The following SHROOM1 variants were observed in gnomAD, a reference collection of about 807,000 sequenced individuals.
SHROOM1 encodes the protein protein Shroom1.
In SHROOM1, 53 loss-of-function variants were observed where a neutral mutation model predicts 64.2. That is an observed-to-expected ratio of 0.83 (90% CI 0.66 to 1.04). SHROOM1 has a LOEUF of 1.04. Ranked by LOEUF, SHROOM1 falls within the 50% of genes least tolerant of loss-of-function variation. The pLI is 0.00. For synonymous variants in SHROOM1, 490 were observed against 518.9 expected, an observed-to-expected ratio of 0.94 and a Z score of 0.76; for missense variants, 1,179 against 1,163.2, an observed-to-expected ratio of 1.01 and a Z score of -0.20.
At chr5:132,828,621 C>T (rs12514041) in intron 1 of SHROOM1, among the ~76,000 whole-genome samples, 17,566 of 152,248 alleles carry the variant, frequency 0.12, 1,176 homozygotes, top group South Asian at 0.2. Flanking sequence ...GATCACCAAA[C>T]ACAAGATGTT....
Position 132,825,662 on chromosome 5 carries a change from C to G in SHROOM1, c.479G>C (p.Arg160Pro). ...RRVLRETSFQ[R>P]KELRMSLPAR... ...GGGCAGGCTCATGCGGAGCTCCTTG[C>G]GCTGGAACGACGTCTCCCGGAGCAC... The change falls in exon 4 of 10, where the codon CGC becomes CCC. Residue 160 changes from arginine to proline, a missense_variant. By Grantham distance (103) the Arg-to-Pro change is moderately radical. Transcript: ENST00000378679. This position sits in a 1 kb window ranked among gnomAD's most constrained non-coding sequence, Gnocchi z 5.1. The G allele has an allele frequency of 7.4e-7, 1 of 1,355,804 alleles. No homozygotes were observed. The highest frequency in any genetic ancestry group is 9.4e-7 in the Non-Finnish European group (1 of 1,060,954). 84.0% of individuals were successfully genotyped at this position (1,355,804 alleles called of 1,614,324 possible).
chr5:132,830,201 G>C lies in SHROOM1; in HGVS notation c.-501+393C>G. The stretch of plus-strand genomic sequence containing the variant: ...CCGTCGGGGAAGGATCGCGCGCAGG[G>C]GACAGCGCGAGCCCGGGAGGGAAGG... On this transcript the variant is annotated intron_variant, in intron 1 of 9. Coordinates refer to ENST00000378679, the MANE Select transcript of SHROOM1 (RefSeq NM_001172700.2). The surrounding 1 kb of genome is among the most constrained non-coding windows in gnomAD (Gnocchi z 5.9). The C allele has an allele frequency of 5.1e-6, 5 of 985,276 alleles. No homozygotes were observed. The highest frequency in any genetic ancestry group is 6.0e-6 in the Non-Finnish European group (5 of 829,886). The allele number at this position is 985,276 out of a possible 1,614,324, so 61.0% of individuals were successfully genotyped here.
rs1561448499 is a variant in SHROOM1 at position 132,824,012 on chromosome 5, GCCAGCTCCTGAA to G, written c.1637_1648del (p.Val546_Leu549del). 6.2e-7 allele frequency: 1 copy of G among 1,606,610 alleles called. No homozygotes were observed. Among genetic ancestry groups the G allele is most frequent in the Non-Finnish European group, 8.5e-7 (1 of 1,176,076 alleles). ...GTCACATAGAGAGGGATCTAATCTG[GCCAGCTCCTGAA>G]CCAGCTCCTCGAGGCACTGACTAGG... is the stretch of plus-strand genomic sequence containing the variant. On this transcript the variant is annotated inframe_deletion, in exon 7 of 10. Coordinates refer to ENST00000378679, the MANE Select transcript of SHROOM1 (RefSeq NM_001172700.2).
At chr5:132,829,242 G>A (rs541062199) in intron 1 of SHROOM1, among the ~76,000 whole-genome samples, 3 of 152,358 alleles carry the variant, frequency 2.0e-5, no homozygotes, top group South Asian at 2.1e-4. Context: ...CAGAGAGGAA[G>A]GAGACGAAGA....
Position 132,825,325 on chromosome 5 carries a change from C to G in SHROOM1, c.816G>C (p.Glu272Asp). 2 of 1,607,964 alleles carry G rather than the reference C, an allele frequency of 1.2e-6. No individual in the cohort carries two copies. The highest frequency in any genetic ancestry group is 1.7e-6 in the Non-Finnish European group (2 of 1,179,622). Residue 272 changes from glutamate (E) to aspartate (D), a missense_variant, in exon 4 of 10, where the codon GAG (glutamate) becomes GAC (aspartate). Physicochemically the swap from Glu to Asp is conservative, Grantham distance 45. Transcript: ENST00000378679. This position sits in a 1 kb window ranked among gnomAD's most constrained non-coding sequence, Gnocchi z 5.1. The part of the protein sequence containing the change: ...HPALAKFEDH[E>D]VGWLPETQPQ... ...GTTGCGTCTCGGGCAGCCATCCGACCTCGTGATCTTCAAACTTAGCCAGCG... is the reference window on the plus strand; with the variant it reads ...GTTGCGTCTCGGGCAGCCATCCGACGTCGTGATCTTCAAACTTAGCCAGCG...
At chr5:132,824,887 G>A in intron 5 of SHROOM1, 66 bp from the exon 6 acceptor site, 1 of 1,602,220 alleles carries the variant, frequency 6.2e-7, no homozygotes, top group Non-Finnish European at 8.5e-7. Context: ...GCACCAGGGA[G>A]ACAGTAGGGT....
At chr5:132,828,752 ATG>A (rs146616879) in intron 1 of SHROOM1, among the ~76,000 whole-genome samples, 2,455 of 152,360 alleles carry the variant, frequency 0.016, 83 homozygotes, top group African/African-American at 0.056. Flanking sequence ...GTGTCTACAC[ATG>A]TGTTTCCTTA....
At position 132,825,887 on chromosome 5, in the gene SHROOM1, G is replaced by A; in HGVS notation, c.254C>T (p.Pro85Leu). The A allele has an allele frequency of 7.6e-7, 1 of 1,310,960 alleles. No individual in the cohort carries two copies. Among genetic ancestry groups the A allele is most frequent in the Non-Finnish European group, 9.8e-7 (1 of 1,024,048 alleles). The allele number at this position is 1,310,960 out of a possible 1,614,324, so 81.2% of individuals were successfully genotyped here. A position where few individuals can be genotyped will look rare whatever the true frequency, so the allele number is the denominator to read the frequency against. Residue 85 changes from proline (P) to leucine (L), a missense_variant, in exon 4 of 10, where the codon CCC (proline) becomes CTC (leucine). Pro to Leu is a moderately conservative substitution (Grantham distance 98). Transcript: ENST00000378679. The surrounding 1 kb of genome is among the most constrained non-coding windows in gnomAD (Gnocchi z 5.1). ...PDAALCTSPR[P>L]RPAVAARSGP... ...ACTGCGGGCTGCAACCGCGGGCCGGGGCCGCGGGGATGTGCAAAGGGCAGC... is the reference window on the plus strand; with the variant it reads ...ACTGCGGGCTGCAACCGCGGGCCGGAGCCGCGGGGATGTGCAAAGGGCAGC...
chr5:132,825,211 T>A lies in SHROOM1; in HGVS notation c.930A>T (p.Glu310Asp), dbSNP rs748383510. The A allele has an allele frequency of 3.1e-6, 5 of 1,613,960 alleles. No homozygotes were observed. Among genetic ancestry groups the A allele is most frequent in the Non-Finnish European group, 4.2e-6 (5 of 1,180,020 alleles). ...CTGATCCTCCCCAGGAACCCAAGAC[T>A]TCGCCTGAAGCGCTCCGACTCCGAC... ...PASRSRSASG[E>D]VLGSWGGSGG... The change falls in exon 4 of 10, where the codon GAA becomes GAT. Residue 310 changes from glutamate (E) to aspartate (D), a missense_variant. Coordinates refer to ENST00000378679, the MANE Select transcript of SHROOM1 (RefSeq NM_001172700.2). This position sits in a 1 kb window ranked among gnomAD's most constrained non-coding sequence, Gnocchi z 5.1.
chr5:132,829,925 G>C lies in SHROOM1; in HGVS notation c.-501+669C>G, dbSNP rs147530259. ...CGGGCTCATCGGTCGCTGCACCCCAGATGCAGAGTCTCTGGAGACCCGAGC... is the reference window on the plus strand; with the variant it reads ...CGGGCTCATCGGTCGCTGCACCCCACATGCAGAGTCTCTGGAGACCCGAGC... On this transcript the variant is annotated intron_variant, in intron 1 of 9. Coordinates refer to ENST00000378679, the MANE Select transcript of SHROOM1 (RefSeq NM_001172700.2). The C allele has an allele frequency of 9.1e-6, 9 of 985,472 alleles. No homozygotes were observed. In the East Asian group the frequency reaches 7.9e-4, roughly 87 times the overall value. The allele number at this position is 985,472 out of a possible 1,614,324, so 61.0% of individuals were successfully genotyped here. A position where few individuals can be genotyped will look rare whatever the true frequency, so the allele number is the denominator to read the frequency against.
In SHROOM1 at chr5:132,825,018, C is replaced by G. The variant is rs1353340962; in HGVS notation, c.1034G>C (p.Arg345Thr). The G allele has an allele frequency of 6.2e-7, 1 of 1,613,952 alleles. No homozygotes were observed. Among genetic ancestry groups the G allele is most frequent in the Non-Finnish European group, 8.5e-7 (1 of 1,180,024 alleles). Residue 345 changes from arginine to threonine, a missense_variant and splice_region_variant, in exon 5 of 10, where the codon AGG (arginine) becomes ACG (threonine). Arg to Thr is a moderately conservative substitution (Grantham distance 71). Coordinates refer to ENST00000378679, the MANE Select transcript of SHROOM1 (RefSeq NM_001172700.2). This position sits in a 1 kb window ranked among gnomAD's most constrained non-coding sequence, Gnocchi z 5.1. ...GTCCAGAGTGGTCCGTGTCTCTCAC[C>G]TGGAAAGTTTGGTCTGAAACAATGG... ...PRPLFQTKLS[R>T]FLPQKEAAVM...
Position 132,823,848 on chromosome 5 carries a change from AC to A in SHROOM1, c.1811+1del. Reference sequence around the variant, plus strand: ...CCAGATTCCCTAGTACACCTCACTCACCCTGGCTCAAAAGTACTGGCAGCCT... The same window carrying A: ...CCAGATTCCCTAGTACACCTCACTCACCTGGCTCAAAAGTACTGGCAGCCT... On this transcript the variant is annotated splice_donor_variant, in intron 7 of 9. Transcript: ENST00000378679. LOFTEE classifies it high-confidence loss of function. The surrounding 1 kb of genome is among the most constrained non-coding windows in gnomAD (Gnocchi z 4.6). 2.0e-6 allele frequency: 3 copies of A among 1,526,518 alleles called. No individual in the cohort carries two copies. Among genetic ancestry groups the A allele is most frequent in the Non-Finnish European group, 2.6e-6 (3 of 1,138,428 alleles). The allele number at this position is 1,526,518 out of a possible 1,614,324, so 94.6% of individuals were successfully genotyped here.
At chr5:132,829,756 G>A (rs1758795778) in intron 1 of SHROOM1, 2 of 985,456 alleles carry the variant, frequency 2.0e-6, no homozygotes, top group Non-Finnish European at 2.4e-6. Flanking sequence ...TCAAAACCCA[G>A]TACCCGCAGC....
Position 132,824,626 on chromosome 5 carries a change from C to G in SHROOM1, c.1230G>C (p.Gly410=). Residue 410 remains glycine, a synonymous_variant, in exon 6 of 10, where the codon GGG becomes GGC. Transcript: ENST00000378679. ...RSPPDPHASQ[G]PPASVHASDQ... ...CAAGAGGGAATTACCTGGCTGGGGG[C>G]CCCTGGGAGGCATGGGGGTCTGGTG... The G allele has an allele frequency of 6.2e-7, 1 of 1,607,858 alleles. No homozygotes were observed. The highest frequency in any genetic ancestry group is 1.1e-5 in the South Asian group (1 of 90,952).
At position 132,823,382 on chromosome 5, in the gene SHROOM1, C is replaced by G. The variant is rs1387296064; in HGVS notation, c.2094G>C (p.Glu698Asp). The change falls in exon 9 of 10, where the codon GAG becomes GAC. Residue 698 changes from glutamate (E) to aspartate (D), a missense_variant. Coordinates refer to ENST00000378679, the MANE Select transcript of SHROOM1 (RefSeq NM_001172700.2). This position sits in a 1 kb window ranked among gnomAD's most constrained non-coding sequence, Gnocchi z 4.6. Reference protein sequence around the residue: ...AAVRQACAPQELERFSRFMAD... With the variant: ...AAVRQACAPQDLERFSRFMAD... ...CCATGAACCGGCTGAACCGCTCCAG[C>G]TCCTGAGGGGCACAGGCCTGGCGCA... The G allele has an allele frequency of 6.2e-7, 1 of 1,609,798 alleles. No individual in the cohort carries two copies. The highest frequency in any genetic ancestry group is 8.5e-7 in the Non-Finnish European group (1 of 1,179,752).
At position 132,825,643 on chromosome 5, in the gene SHROOM1, G is replaced by C; in HGVS notation, c.498C>G (p.Ser166Arg). Residue 166 changes from serine to arginine, a missense_variant, in exon 4 of 10, where the codon AGC becomes AGG. Coordinates refer to ENST00000378679, the MANE Select transcript of SHROOM1 (RefSeq NM_001172700.2). This position sits in a 1 kb window ranked among gnomAD's most constrained non-coding sequence, Gnocchi z 5.1. Reference protein sequence around the residue: ...TSFQRKELRMSLPARLRPTVP... With the variant: ...TSFQRKELRMRLPARLRPTVP... Reference sequence around the variant, plus strand: ...CAGTGGGCCGCAGACGGGCGGGCAGGCTCATGCGGAGCTCCTTGCGCTGGA... The same window carrying C: ...CAGTGGGCCGCAGACGGGCGGGCAGCCTCATGCGGAGCTCCTTGCGCTGGA... 4 of 1,346,172 alleles carry C rather than the reference G, an allele frequency of 3.0e-6. No individual in the cohort carries two copies. Among genetic ancestry groups the C allele is most frequent in the Non-Finnish European group, 3.8e-6 (4 of 1,056,070 alleles). 83.4% of individuals were successfully genotyped at this position (1,346,172 alleles called of 1,614,324 possible).
At position 132,830,155 on chromosome 5, in the gene SHROOM1, G is replaced by T; in HGVS notation, c.-501+439C>A. 1.0e-6 allele frequency: 1 copy of T among 985,048 alleles called. No homozygotes were observed. The highest frequency in any genetic ancestry group is 1.7e-5 in the African/African-American group (1 of 57,230). 61.0% of individuals were successfully genotyped at this position (985,048 alleles called of 1,614,324 possible). On this transcript the variant is annotated intron_variant, in intron 1 of 9. Transcript: ENST00000378679. The surrounding 1 kb of genome is among the most constrained non-coding windows in gnomAD (Gnocchi z 5.9). ...GATGGCCGCAGCCCCGCGCAGTTCT[G>T]GGCCTTTCCCGTTGGGTTCACCGTC...
chr5:132,825,429 G>A lies in SHROOM1; in HGVS notation c.712C>T (p.Pro238Ser). 4 of 1,591,776 alleles carry A rather than the reference G, an allele frequency of 2.5e-6. No homozygotes were observed. The highest frequency in any genetic ancestry group is 3.4e-6 in the Non-Finnish European group (4 of 1,175,926). Residue 238 changes from proline (P) to serine (S), a missense_variant, in exon 4 of 10, where the codon CCG becomes TCG. By Grantham distance (74) the Pro-to-Ser change is moderately conservative. Transcript: ENST00000378679. This position sits in a 1 kb window ranked among gnomAD's most constrained non-coding sequence, Gnocchi z 5.1. The stretch of plus-strand genomic sequence containing the variant: ...GCCTCACCCAGGCATTCCCGCGCCG[G>A]CCCACCGCCCCGACCCACACGATCC... ...KLDRVGRGGG[P>S]ARECLGEACS...
At position 132,823,202 on chromosome 5, in the gene SHROOM1, A is replaced by G. The variant is rs1353065285; in HGVS notation, c.2226+48T>C. ...TCCCGGAATGGTTCCAGCCGGAGAC[A>G]GCAGGCCCCTCACCGCCCTACTCGC... On this transcript the variant is annotated intron_variant, in intron 9 of 9. Coordinates refer to ENST00000378679, the MANE Select transcript of SHROOM1 (RefSeq NM_001172700.2). This position sits in a 1 kb window ranked among gnomAD's most constrained non-coding sequence, Gnocchi z 4.6. 1.9e-6 allele frequency: 3 copies of G among 1,560,290 alleles called. No homozygotes were observed. In the South Asian group the frequency reaches 3.5e-5, roughly 18 times the overall value.
Sources: gnomAD v4.1 joint callset for allele counts (sites outside exome capture counted in the v4.1 genomes callset) on GRCh38, gnomAD v4.1.1 for gene constraint, Gnocchi (gnomAD v3.1) non-coding constraint, MANE v1.5 for transcripts, NCBI Gene and HGNC (gene_info 2026-07-23, HGNC 2026-07-21) for gene names.